TRPM3: variants seen among roughly 807,000 people sequenced by gnomAD.
TRPM3 encodes transient receptor potential cation channel subfamily M member 3, also known as long transient receptor potential channel 3.
TRPM3 carries 77 observed loss-of-function variants against 181.2 expected under a neutral mutation model. That is an observed-to-expected ratio of 0.42 (90% CI 0.35 to 0.51). The LOEUF is 0.51. TRPM3 is among the 20% of genes least tolerant of loss of function. TRPM3 has a pLI of 0.01. For missense variants in TRPM3, 1,759 were observed against 2,196.7 expected, an observed-to-expected ratio of 0.80 and a Z score of 3.98; for synonymous variants, 745 against 796.4, an observed-to-expected ratio of 0.94 and a Z score of 1.09.
At chr9:70,998,434 T>C (rs1034498468) in intron 1 of TRPM3, among the ~76,000 whole-genome samples, 16 of 151,984 alleles carry the variant, frequency 1.1e-4, no homozygotes, top group African/African-American at 3.1e-4. Flanking sequence ...CCCCCACACA[T>C]GCCTTTCTAT....
At chr9:70,778,526 A>G (rs895247990) in intron 7 of TRPM3, among the ~76,000 whole-genome samples, 14 of 152,200 alleles carry the variant, frequency 9.2e-5, no homozygotes, top group African/African-American at 3.1e-4. Context: ...TTGTCTGTAC[A>G]AGGTGTTTCC....
At chr9:71,013,332 T>A (rs2097760426) in intron 1 of TRPM3, among the ~76,000 whole-genome samples, 1 of 152,118 alleles carries the variant, frequency 6.6e-6, no homozygotes, top group Non-Finnish European at 1.5e-5. Context: ...GATGTGGTGT[T>A]AGATTTTATT....
intron 9 of TRPM3, among the ~76,000 whole-genome samples, chr9:70,641,160 G>C (rs1222569653): frequency 1.3e-5 from 2 of 152,148 alleles, no homozygotes; most frequent in Admixed American, 1.3e-4. Context: ...TTGCTCTACC[G>C]TCTGGCTAGG....
chr9:70,538,188 C>T (rs932088805), intron 25 of TRPM3, among the ~76,000 whole-genome samples: 2 of 152,260 alleles, frequency 1.3e-5, no homozygotes, highest in African/African-American at 4.8e-5. Context: ...CTACTCCTCT[C>T]TCTGTCTCTC....
intron 5 of TRPM3, among the ~76,000 whole-genome samples, chr9:70,836,177 G>A (rs917620341): frequency 2.0e-5 from 3 of 152,104 alleles, no homozygotes; most frequent in African/African-American, 7.2e-5. Context: ...TCAGTGACAA[G>A]TGTACCCACA....
chr9:71,354,063 G>C (rs1371666804), intron 1 of TRPM3, among the ~76,000 whole-genome samples: 2 of 152,224 alleles, frequency 1.3e-5, no homozygotes, highest in Admixed American at 1.3e-4. Flanking sequence ...TGCTGTAACT[G>C]TAGCCCTTCT....
intron 20 of TRPM3, 130 bp from the exon 21 acceptor site, chr9:70,598,800 G>T: frequency 8.7e-7 from 1 of 1,147,696 alleles, no homozygotes; most frequent in Non-Finnish European, 1.2e-6. Context: ...TTAAATACTT[G>T]CATGCTGTAA....
intron 1 of TRPM3, among the ~76,000 whole-genome samples, chr9:70,957,257 C>T (rs2097087242): frequency 6.6e-6 from 1 of 152,102 alleles, no homozygotes; most frequent in South Asian, 2.1e-4. Context: ...AGCCACTGCG[C>T]CTGGCCAACA....
intron 1 of TRPM3, among the ~76,000 whole-genome samples, chr9:70,943,549 T>G (rs1381394729): frequency 1.3e-5 from 2 of 152,224 alleles, no homozygotes; most frequent in African/African-American, 4.8e-5. Context: ...TTATTGACTA[T>G]GTGCAAATCC....
At chr9:71,129,464 C>T (rs585169) in intron 1 of TRPM3, among the ~76,000 whole-genome samples, 144,194 of 152,244 alleles carry the variant, frequency 0.95, 68,431 homozygotes, top group South Asian at 0.98. Flanking sequence ...GCACTTACTA[C>T]GTGCTAAACA....
intron 16 of TRPM3, among the ~76,000 whole-genome samples, chr9:70,619,617 G>A (rs1487447159): frequency 1.3e-5 from 2 of 151,370 alleles, no homozygotes; most frequent in Non-Finnish European, 2.9e-5. Context: ...GTCTTGCTAT[G>A]TTGCCCAGGC....
chr9:70,757,016 A>T (rs892643567), intron 8 of TRPM3, among the ~76,000 whole-genome samples: 10 of 143,280 alleles, frequency 7.0e-5, no homozygotes, highest in Admixed American at 2.8e-4. Context: ...TAGAGACACG[A>T]AAAACACTTC....
chr9:71,299,002 TA>T (rs1223703073), intron 1 of TRPM3, among the ~76,000 whole-genome samples: 1 of 152,020 alleles, frequency 6.6e-6, no homozygotes, highest in Non-Finnish European at 1.5e-5. Flanking sequence ...AAATAAAGGA[TA>T]AAAAAAGAGA....
At chr9:71,094,461 G>A (rs965606479) in intron 1 of TRPM3, among the ~76,000 whole-genome samples, 2 of 151,858 alleles carry the variant, frequency 1.3e-5, no homozygotes, top group South Asian at 2.1e-4. Flanking sequence ...TTATTCTCTC[G>A]ACTGCTTCTC....
chr9:71,062,962 G>A (rs940951278), intron 1 of TRPM3, among the ~76,000 whole-genome samples: 1 of 152,062 alleles, frequency 6.6e-6, no homozygotes, highest in African/African-American at 2.4e-5. Flanking sequence ...TTGTGATATT[G>A]TGTTATAACA....
intron 1 of TRPM3, chr9:70,869,028 C>A: frequency 1.0e-6 from 1 of 985,200 alleles, no homozygotes; most frequent in Non-Finnish European, 1.2e-6. Context: ...GTCCCCGGAG[C>A]AGCTCCTGTT....
chr9:70,566,340 G>A (rs2050577991), intron 22 of TRPM3, among the ~76,000 whole-genome samples: 1 of 152,048 alleles, frequency 6.6e-6, no homozygotes, highest in Non-Finnish European at 1.5e-5. Context: ...CTAAGCACCA[G>A]GCACTGCTTA....
At chr9:71,027,585 T>G (rs2056730523) in intron 1 of TRPM3, among the ~76,000 whole-genome samples, 1 of 152,160 alleles carries the variant, frequency 6.6e-6, no homozygotes, top group Non-Finnish European at 1.5e-5. Flanking sequence ...TTACAGGAGC[T>G]GACAGACAAA....
intron 22 of TRPM3, among the ~76,000 whole-genome samples, chr9:70,570,329 G>C (rs1211110222): frequency 1.0e-5 from 1 of 97,892 alleles, no homozygotes; most frequent in Admixed American, 1.4e-4. Flanking sequence ...TTTTTTTTGA[G>C]ACGGATTCTC....
Sources: allele counts gnomAD v4.1 joint callset (sites outside exome capture counted in the v4.1 genomes callset), GRCh38; gene constraint gnomAD v4.1.1; transcripts MANE v1.5; gene names NCBI Gene and HGNC (gene_info 2026-07-23, HGNC 2026-07-21).